The following CACNA2D1 variants were observed in gnomAD, a reference collection of about 807,000 sequenced individuals.
The protein encoded by CACNA2D1 is calcium voltage-gated channel auxiliary subunit alpha2delta 1, also known as voltage-dependent calcium channel subunit alpha-2/delta-1.
CACNA2D1 carries 53 observed loss-of-function variants against 171.5 expected under a neutral mutation model. The observed-to-expected ratio is 0.31, with a 90% confidence interval of 0.25 to 0.39. The LOEUF (loss-of-function observed/expected upper bound fraction) is 0.39, where lower values mean the gene tolerates loss of function less well. Among genes scored for constraint, CACNA2D1 ranks in the 10% least tolerant of loss-of-function variants. CACNA2D1 has a pLI of 1.00. For synonymous variants in CACNA2D1, 442 were observed against 443.1 expected (o/e 1.00, Z 0.03); for missense variants, 903 against 1,299.8 (o/e 0.69, Z 4.69).
intron 3 of CACNA2D1, among the ~76,000 whole-genome samples, chr7:82,314,784 C>T (rs1351840999): frequency 6.6e-6 from 1 of 151,928 alleles, no homozygotes; most frequent in Admixed American, 6.6e-5. Flanking sequence ...TAATATGATA[C>T]AAAAATGCCT....
chr7:82,010,560 T>C (rs1799666473), intron 15 of CACNA2D1, among the ~76,000 whole-genome samples: 3 of 152,112 alleles, frequency 2.0e-5, no homozygotes, highest in South Asian at 4.1e-4. Flanking sequence ...TATCATACAC[T>C]GTCCTGTGAT....
intron 24 of CACNA2D1, among the ~76,000 whole-genome samples, chr7:81,977,488 G>A (rs1002226919): frequency 1.3e-5 from 2 of 151,968 alleles, no homozygotes; most frequent in Non-Finnish European, 2.9e-5. Context: ...CAAGCAATAG[G>A]GAAAAGATTC....
intron 3 of CACNA2D1, among the ~76,000 whole-genome samples, chr7:82,263,829 CA>C (rs758424759): frequency 2.0e-5 from 3 of 152,038 alleles, no homozygotes; most frequent in African/African-American, 4.8e-5. Flanking sequence ...ATGGGTATGG[CA>C]AACAAATTAG....
intron 1 of CACNA2D1, among the ~76,000 whole-genome samples, chr7:82,418,315 C>G (rs1025656902): frequency 1.3e-5 from 2 of 152,064 alleles, no homozygotes; most frequent in Middle Eastern, 3.2e-3. Flanking sequence ...ATTATGGGAA[C>G]TACAATTCAA....
chr7:82,053,529 TA>T (rs1805466169), intron 10 of CACNA2D1, among the ~76,000 whole-genome samples: 1 of 152,114 alleles, frequency 6.6e-6, no homozygotes, highest in Non-Finnish European at 1.5e-5. Flanking sequence ...ATGATATTTT[TA>T]TAGTAAATAA....
chr7:82,415,969 C>G (rs897875432), intron 1 of CACNA2D1, among the ~76,000 whole-genome samples: 1 of 151,874 alleles, frequency 6.6e-6, no homozygotes, highest in Non-Finnish European at 1.5e-5. Context: ...AATCCCAGCT[C>G]TTTGGGAGGC....
intron 1 of CACNA2D1, among the ~76,000 whole-genome samples, chr7:82,382,128 T>C (rs1823779828): frequency 6.6e-6 from 1 of 152,182 alleles, no homozygotes. Flanking sequence ...AAAGTTCAAA[T>C]TGAAGCAGGG....
At chr7:82,429,372 G>GAC (rs1829478301) in intron 1 of CACNA2D1, among the ~76,000 whole-genome samples, 1 of 151,902 alleles carries the variant, frequency 6.6e-6, no homozygotes, top group African/African-American at 2.4e-5. Flanking sequence ...AATTAGGGTA[G>GAC]ATATATAGAG....
chr7:82,170,148 T>C (rs922024792), intron 4 of CACNA2D1, among the ~76,000 whole-genome samples: 13 of 151,974 alleles, frequency 8.6e-5, no homozygotes, highest in African/African-American at 3.1e-4. Context: ...GTGATTATAA[T>C]ATGTATACTG....
chr7:82,392,720 C>A (rs1175567822), intron 1 of CACNA2D1, among the ~76,000 whole-genome samples: 1 of 152,224 alleles, frequency 6.6e-6, no homozygotes, highest in African/African-American at 2.4e-5. Context: ...AATGTATTAA[C>A]ATGATTGGAG....
chr7:82,061,593 G>A (rs547444743), intron 9 of CACNA2D1, among the ~76,000 whole-genome samples: 2 of 152,068 alleles, frequency 1.3e-5, no homozygotes, highest in African/African-American at 4.8e-5. Flanking sequence ...CACCCAACAG[G>A]TTCTTCCTGC....
chr7:82,135,625 G>A (rs1584874886), intron 5 of CACNA2D1, among the ~76,000 whole-genome samples: 1 of 152,030 alleles, frequency 6.6e-6, no homozygotes, highest in African/African-American at 2.4e-5. Context: ...GGTATAATTT[G>A]TTATAATTTG....
chr7:82,070,134 C>A (rs1163374956), intron 7 of CACNA2D1, among the ~76,000 whole-genome samples: 1 of 152,096 alleles, frequency 6.6e-6, no homozygotes, highest in Non-Finnish European at 1.5e-5. Flanking sequence ...TACTATCATC[C>A]CAGAATGGAT....
At chr7:82,068,278 AGAG>A (rs1186873937) in intron 7 of CACNA2D1, among the ~76,000 whole-genome samples, 1 of 151,908 alleles carries the variant, frequency 6.6e-6, no homozygotes, top group Non-Finnish European at 1.5e-5. Flanking sequence ...ATATTTTTGT[AGAG>A]GAGAGCTTAC....
rs1464711674 is a variant in CACNA2D1 at position 82,119,614 on chromosome 7, CCTA to C, written c.397-2444_397-2442del. 1.2e-4 allele frequency among the ~76,000 whole-genome samples: 18 copies of C among 152,158 alleles called. 1 individual carries two copies. The highest frequency in any genetic ancestry group is 3.6e-4 in the African/African-American group (15 of 41,510). On this transcript the variant is annotated intron_variant, in intron 5 of 38. Transcript: ENST00000356860. ...TTTTCATGTTAACTTAAAAAATATT[CCTA>C]CTTATAGCAAAATATTCAAAAATTA... is the stretch of plus-strand genomic sequence containing the variant.
In CACNA2D1 at chr7:82,051,691, T is replaced by G. The variant is rs1259840478; in HGVS notation, c.879+8737A>C. On this transcript the variant is annotated intron_variant, in intron 10 of 38. Coordinates refer to ENST00000356860, the MANE Select transcript of CACNA2D1 (RefSeq NM_000722.4). ...ATCCATATACATTTTCCCATCATCC[T>G]CCACTGGCTTGCAGTATTTTACTCC... 2.0e-5 allele frequency among the ~76,000 whole-genome samples: 3 copies of G among 152,198 alleles called. No homozygotes were observed. In the East Asian group the frequency reaches 5.8e-4, roughly 29 times the overall value.
chr7:82,158,815 T>C (rs1204325126), intron 4 of CACNA2D1, among the ~76,000 whole-genome samples: 1 of 151,906 alleles, frequency 6.6e-6, no homozygotes, highest in African/African-American at 2.4e-5. Flanking sequence ...CTTCTACACA[T>C]GATAGTTTTG....
chr7:82,006,344 C>T (rs1022927697), intron 16 of CACNA2D1, among the ~76,000 whole-genome samples: 4 of 151,854 alleles, frequency 2.6e-5, no homozygotes, highest in African/African-American at 4.8e-5. Context: ...GTGATAAAAT[C>T]CTCAAAACAC....
At chr7:82,320,783 C>A (rs746880327) in intron 3 of CACNA2D1, among the ~76,000 whole-genome samples, 1 of 151,894 alleles carries the variant, frequency 6.6e-6, no homozygotes, top group Non-Finnish European at 1.5e-5. Flanking sequence ...AAAGTTTTCT[C>A]ATATATGTGT....
Sources: gnomAD v4.1 joint callset for allele counts (sites outside exome capture counted in the v4.1 genomes callset) on GRCh38, gnomAD v4.1.1 for gene constraint, MANE v1.5 for transcripts, NCBI Gene and HGNC (gene_info 2026-07-23, HGNC 2026-07-21) for gene names.